Variants in TRAPPC9 observed in about 807,000 individuals in gnomAD.
The protein encoded by TRAPPC9 is IKK2 binding protein.
TRAPPC9 carries 83 observed loss-of-function variants against 124.0 expected under a neutral mutation model. The observed-to-expected ratio is 0.67, with a 90% CI of 0.56 to 0.80. The LOEUF is 0.80. Among genes scored for constraint, TRAPPC9 ranks in the 30% least tolerant of loss-of-function variants. The pLI is 0.00. For missense variants in TRAPPC9, 1,302 were observed against 1,508.3 expected (o/e 0.86, Z 2.27); for synonymous variants, 638 against 617.5 (o/e 1.03, Z -0.49).
chr8:140,079,860 G>C, intron 17 of TRAPPC9, among the ~76,000 whole-genome samples: 1 of 152,178 alleles, frequency 6.6e-6, no homozygotes, highest in East Asian at 1.9e-4. Context: ...AACCTGGGAA[G>C]TGGAGGTTGC....
intron 17 of TRAPPC9, among the ~76,000 whole-genome samples, chr8:140,080,371 T>A (rs1252096694): frequency 2.6e-5 from 4 of 152,176 alleles, no homozygotes; most frequent in African/African-American, 7.2e-5. Flanking sequence ...TACCTGAGTG[T>A]GGGTAATGCG....
intron 17 of TRAPPC9, among the ~76,000 whole-genome samples, chr8:140,060,131 C>T (rs886404481): frequency 6.6e-6 from 1 of 152,182 alleles, no homozygotes; most frequent in South Asian, 2.1e-4. Flanking sequence ...ACCTGTGGAG[C>T]AGCTCGTTCT....
intron 21 of TRAPPC9, among the ~76,000 whole-genome samples, chr8:139,838,593 T>A (rs1826515435): frequency 6.6e-6 from 1 of 152,136 alleles, no homozygotes; most frequent in Non-Finnish European, 1.5e-5. Context: ...CGGGTCTCCT[T>A]GGCCGCAGAG....
intron 18 of TRAPPC9, among the ~76,000 whole-genome samples, chr8:139,998,083 G>A (rs888856907): frequency 1.2e-4 from 19 of 152,152 alleles, no homozygotes; most frequent in Admixed American, 6.5e-5. Flanking sequence ...ATCCTACACA[G>A]GGGAAACAAA....
At chr8:139,795,040 T>A (rs542829805) in intron 21 of TRAPPC9, among the ~76,000 whole-genome samples, 2 of 152,290 alleles carry the variant, frequency 1.3e-5, no homozygotes, top group African/African-American at 2.4e-5. Flanking sequence ...TTATTTCTCA[T>A]CCCTTAGCTT....
At chr8:140,179,993 ATTTTTTTT>A (rs71520259) in intron 17 of TRAPPC9, among the ~76,000 whole-genome samples, 1 of 90,032 alleles carries the variant, frequency 1.1e-5, no homozygotes, top group Non-Finnish European at 2.0e-5. Flanking sequence ...TTATATCTTG[ATTTTTTTT>A]TTTTTTTTTT....
At chr8:139,943,794 G>A (rs926173992) in intron 19 of TRAPPC9, among the ~76,000 whole-genome samples, 2 of 152,296 alleles carry the variant, frequency 1.3e-5, no homozygotes, top group South Asian at 4.1e-4. Context: ...ACAGAAGAAT[G>A]AAAGTGATGG....
intron 16 of TRAPPC9, among the ~76,000 whole-genome samples, chr8:140,223,642 T>A (rs2063385108): frequency 6.6e-6 from 1 of 152,246 alleles, no homozygotes. Context: ...ACAAAATGTA[T>A]ATTTCCAAAT....
At chr8:139,956,840 C>T (rs1035514162) in intron 19 of TRAPPC9, among the ~76,000 whole-genome samples, 4 of 152,166 alleles carry the variant, frequency 2.6e-5, no homozygotes, top group South Asian at 2.1e-4. Flanking sequence ...TCCTTCAGGC[C>T]GTGCTGAGGG....
chr8:140,441,662 T>A (rs2071020221), intron 2 of TRAPPC9, among the ~76,000 whole-genome samples: 1 of 151,518 alleles, frequency 6.6e-6, no homozygotes, highest in East Asian at 2.0e-4. Flanking sequence ...CTACAAAGGC[T>A]CAGGTGATCC....
At chr8:140,103,617 C>A (rs4460346) in intron 17 of TRAPPC9, among the ~76,000 whole-genome samples, 55,960 of 152,108 alleles carry the variant, frequency 0.37, 11,069 homozygotes, top group East Asian at 0.85. Flanking sequence ...GATGTGAAAT[C>A]TTAGAATAGT....
At chr8:140,058,654 C>T (rs772774492) in intron 17 of TRAPPC9, among the ~76,000 whole-genome samples, 2 of 152,182 alleles carry the variant, frequency 1.3e-5, no homozygotes, top group Non-Finnish European at 2.9e-5. Flanking sequence ...GAAGGAGGAA[C>T]TAAGAACAGC....
chr8:139,797,010 G>T (rs1200870231), intron 21 of TRAPPC9, among the ~76,000 whole-genome samples: 1 of 152,196 alleles, frequency 6.6e-6, no homozygotes, highest in African/African-American at 2.4e-5. Flanking sequence ...ATAATGCTTG[G>T]CATCTTTTCG....
At chr8:140,336,331 C>T (rs534859581) in intron 9 of TRAPPC9, among the ~76,000 whole-genome samples, 1 of 152,182 alleles carries the variant, frequency 6.6e-6, no homozygotes, top group Admixed American at 6.5e-5. Context: ...GCAAGCCAGC[C>T]GAGATTCCCA....
chr8:140,121,007 C>T (rs1011473349), intron 17 of TRAPPC9, among the ~76,000 whole-genome samples: 9 of 152,248 alleles, frequency 5.9e-5, no homozygotes, highest in African/African-American at 2.2e-4. Flanking sequence ...TCAACAAATA[C>T]TGTGGAAGTT....
At chr8:139,796,602 C>A (rs1309289698) in intron 21 of TRAPPC9, among the ~76,000 whole-genome samples, 1 of 152,252 alleles carries the variant, frequency 6.6e-6, no homozygotes, top group Non-Finnish European at 1.5e-5. Flanking sequence ...CTTTTCAGAG[C>A]TGAATAATAT....
chr8:140,283,621 T>C (rs574984779), intron 14 of TRAPPC9, among the ~76,000 whole-genome samples: 3 of 152,068 alleles, frequency 2.0e-5, no homozygotes, highest in Non-Finnish European at 2.9e-5. Flanking sequence ...TTTAAGGGAA[T>C]TCCTAAATTC....
intron 19 of TRAPPC9, among the ~76,000 whole-genome samples, chr8:139,955,319 T>C (rs992169435): frequency 6.6e-6 from 1 of 152,102 alleles, no homozygotes; most frequent in Non-Finnish European, 1.5e-5. Context: ...TTCAGGAGCC[T>C]GATCATCTCC....
intron 20 of TRAPPC9, among the ~76,000 whole-genome samples, chr8:139,908,368 G>A (rs554306917): frequency 2.6e-5 from 4 of 152,224 alleles, no homozygotes; most frequent in East Asian, 1.9e-4. Context: ...TCTGAGACCC[G>A]AGTAAGAGAT....
Sources: gnomAD v4.1 joint callset for allele counts (sites outside exome capture counted in the v4.1 genomes callset) on GRCh38, gnomAD v4.1.1 for gene constraint, MANE v1.5 for transcripts, NCBI Gene and HGNC (gene_info 2026-07-23, HGNC 2026-07-21) for gene names.